The following ANXA2 variants were observed in gnomAD, a reference collection of about 807,000 sequenced individuals.
ANXA2 encodes the protein annexin II.
Under a neutral mutation model 47.3 loss-of-function variants are expected in ANXA2, and 28 were observed. The ratio of observed to expected loss-of-function variants is 0.59; its 90% CI spans 0.44 to 0.81. ANXA2 has a LOEUF of 0.81. Ranked by LOEUF, ANXA2 falls within the 40% of genes least tolerant of loss-of-function variation. ANXA2 has a pLI of 0.00. For synonymous variants in ANXA2, 172 were observed against 155.5 expected, an observed-to-expected ratio of 1.11 and a Z score of -0.79; for missense variants, 384 against 414.3, an observed-to-expected ratio of 0.93 and a Z score of 0.64.
intron 10 of ANXA2, 168 bp from the exon 11 acceptor site, chr15:60,351,419 T>C (rs1373072679): frequency 2.8e-6 from 2 of 702,576 alleles, no homozygotes; most frequent in Non-Finnish European, 4.8e-6. Flanking sequence ...TCTGCAATAC[T>C]AAGTTCCACC....
At chr15:60,393,207 T>C (rs762759788) in intron 1 of ANXA2, 2 of 1,149,552 alleles carry the variant, frequency 1.7e-6, no homozygotes, top group Non-Finnish European at 2.2e-6. Flanking sequence ...TGTGGCCTGA[T>C]CTGAATCAAT....
At chr15:60,372,717 A>G (rs550097349) in intron 3 of ANXA2, among the ~76,000 whole-genome samples, 1 of 144,684 alleles carries the variant, frequency 6.9e-6, no homozygotes, top group African/African-American at 2.6e-5. Flanking sequence ...TTTTTTAAAC[A>G]GGGTCTCACT....
At position 60,352,443 on chromosome 15, in the gene ANXA2, T is replaced by C; in HGVS notation, c.622A>G (p.Thr208Ala). Residue 208 changes from threonine to alanine, a missense_variant, in exon 9 of 13, where the codon ACT (threonine) becomes GCT (alanine). Thr to Ala is a moderately conservative substitution (Grantham distance 58). Transcript: ENST00000451270. The surrounding 1 kb of genome is among the most constrained non-coding windows in gnomAD (Gnocchi z 4.2). ...LYDAGVKRKGTDVPKWISIMT... is the reference protein window; with the variant it reads ...LYDAGVKRKGADVPKWISIMT... ...ATGCTGATCCACTTGGGAACATCAG[T>C]TCCTTTCCTCTTCACTCCAGCGTCA... The C allele has an allele frequency of 6.2e-7, 1 of 1,613,818 alleles. No homozygotes were observed.
chr15:60,397,572 T>C (rs1451930115), intron 1 of ANXA2, among the ~76,000 whole-genome samples: 1 of 151,970 alleles, frequency 6.6e-6, no homozygotes, highest in Non-Finnish European at 1.5e-5. Flanking sequence ...TGCGGCTCCC[T>C]GGGCGGCCAC....
chr15:60,362,156 G>A (rs1308924074), intron 4 of ANXA2, among the ~76,000 whole-genome samples: 1 of 152,112 alleles, frequency 6.6e-6, no homozygotes, highest in Non-Finnish European at 1.5e-5. Flanking sequence ...ACGGCACTTA[G>A]GAGGGGACTG....
chr15:60,371,927 G>A (rs1342491716), intron 3 of ANXA2, among the ~76,000 whole-genome samples: 1 of 152,096 alleles, frequency 6.6e-6, no homozygotes, highest in Non-Finnish European at 1.5e-5. Context: ...CAAGGTGGGC[G>A]GACCACGAGG....
intron 5 of ANXA2, among the ~76,000 whole-genome samples, chr15:60,358,486 T>A (rs909350170): frequency 3.9e-5 from 6 of 152,226 alleles, no homozygotes; most frequent in Admixed American, 2.6e-4. Flanking sequence ...CTTACCCACA[T>A]GAAAAGCGTG....
At chr15:60,380,025 A>G (rs2062834099) in intron 3 of ANXA2, among the ~76,000 whole-genome samples, 1 of 152,192 alleles carries the variant, frequency 6.6e-6, no homozygotes, top group Non-Finnish European at 1.5e-5. Context: ...GTTAACTGCT[A>G]AACTTAGGGC....
At position 60,352,429 on chromosome 15, in the gene ANXA2, C is replaced by T; in HGVS notation, c.636G>A (p.Lys212=). 1 of 1,613,864 alleles carries T rather than the reference C, an allele frequency of 6.2e-7. No homozygotes were observed. Among genetic ancestry groups the T allele is most frequent in the Non-Finnish European group, 8.5e-7 (1 of 1,179,856 alleles). ...TCCGCTCGGTCATGATGCTGATCCA[C>T]TTGGGAACATCAGTTCCTTTCCTCT... ...GVKRKGTDVP[K]WISIMTERSV... is the part of the protein sequence containing the mutation. Residue 212 remains lysine (K), a synonymous_variant, in exon 9 of 13, where the codon AAG becomes AAA. Coordinates refer to ENST00000451270, the MANE Select transcript of ANXA2 (RefSeq NM_004039.3). This position sits in a 1 kb window ranked among gnomAD's most constrained non-coding sequence, Gnocchi z 4.2.
chr15:60,393,386 CTCAATT>C (rs2063039998), intron 1 of ANXA2: 2 of 1,005,560 alleles, frequency 2.0e-6, no homozygotes, highest in South Asian at 8.2e-5. Flanking sequence ...AAGTCTGCAA[CTCAATT>C]TCAGTGTTTT....
In ANXA2 at chr15:60,347,483, T is replaced by G. The variant is rs1340142592; in HGVS notation, c.*147A>C. The G allele has an allele frequency of 1.4e-6, 1 of 697,896 alleles. No individual in the cohort carries two copies. Among genetic ancestry groups the G allele is most frequent in the Non-Finnish European group, 2.5e-6 (1 of 405,324 alleles). The allele number at this position is 697,896 out of a possible 1,614,324, so 43.2% of individuals were successfully genotyped here. A position where few individuals can be genotyped will look rare whatever the true frequency, so the allele number is the denominator to read the frequency against. ...CTAGACAGGAAGGCCAGGCAATGCT[T>G]AGGCAACTAAAATGAGGTTGGGGGT... On this transcript the variant is annotated 3_prime_UTR_variant, in exon 13 of 13. Transcript: ENST00000451270.
intron 3 of ANXA2, among the ~76,000 whole-genome samples, chr15:60,372,666 T>C (rs2062725897): frequency 6.6e-6 from 1 of 151,754 alleles, no homozygotes; most frequent in African/African-American, 2.4e-5. Flanking sequence ...ACATTAATGG[T>C]CTTGTATTCA....
intron 3 of ANXA2, among the ~76,000 whole-genome samples, chr15:60,379,353 GA>G (rs141618808): frequency 1.3e-4 from 20 of 151,712 alleles, no homozygotes; most frequent in African/African-American, 4.6e-4. Flanking sequence ...AAGTCTGGGG[GA>G]AAAAAAAGGA....
Position 60,353,541 on chromosome 15 carries a change from A to G in ANXA2, c.588+613T>C, listed in dbSNP as rs183400759. Among the ~76,000 whole-genome samples, 9 of 152,356 alleles carry G rather than the reference A, an allele frequency of 5.9e-5. No homozygotes were observed. In the East Asian group the frequency reaches 1.7e-3, roughly 29 times the overall value. On this transcript the variant is annotated intron_variant, in intron 8 of 12. Transcript: ENST00000451270. ...TTCTGTAAGTAACACCAGCATTATA[A>G]GAGAATGTCTTCTAATAAACATTGC...
chr15:60,397,324 A>G (rs970842391), intron 1 of ANXA2: 6 of 985,644 alleles, frequency 6.1e-6, no homozygotes, highest in Non-Finnish European at 7.2e-6. Flanking sequence ...CGAAGTTGCT[A>G]TGCTACAAGA....
At chr15:60,390,421 G>C in intron 1 of ANXA2, 1 of 532,270 alleles carries the variant, frequency 1.9e-6, no homozygotes, top group Non-Finnish European at 3.5e-6. Flanking sequence ...AGTGTGGCAA[G>C]CACCAACCCC....
In ANXA2 at chr15:60,347,678, C is replaced by T. The variant is rs964350786; in HGVS notation, c.972G>A (p.Lys324=). 3.7e-6 allele frequency: 6 copies of T among 1,614,004 alleles called. No homozygotes were observed. The African/African-American group carries it at 8.0e-5, about 22-fold the overall frequency. The change falls in exon 13 of 13, where the codon AAG becomes AAA. Residue 324 remains lysine, a synonymous_variant. Transcript: ENST00000451270. ...ACAGCAGCGCTTTCTGGTAGTCGCC[C>T]TTAGTGTCTTGCTACAATGGCCCAG... is the stretch of plus-strand genomic sequence containing the variant. ...SLYYYIQQDT[K]GDYQKALLYL...
chr15:60,369,070 C>T (rs2062678250), intron 3 of ANXA2, among the ~76,000 whole-genome samples: 1 of 152,224 alleles, frequency 6.6e-6, no homozygotes. Flanking sequence ...ATTTGTCCTA[C>T]TGGGGTCTCA....
chr15:60,397,904 G>C (rs2063104224), intron 1 of ANXA2, 39 bp downstream of exon 1: 1 of 1,345,962 alleles, frequency 7.4e-7, no homozygotes, highest in Non-Finnish European at 9.5e-7. Flanking sequence ...CCCGCTAGCT[G>C]GCGGCCCATC....
Sources: allele counts gnomAD v4.1 joint callset (sites outside exome capture counted in the v4.1 genomes callset), GRCh38; gene constraint gnomAD v4.1.1; non-coding constraint Gnocchi (gnomAD v3.1); transcripts MANE v1.5; gene names NCBI Gene and HGNC (gene_info 2026-07-23, HGNC 2026-07-21).